The following WWOX variants were observed in gnomAD, a reference collection of about 807,000 sequenced individuals.
WWOX encodes WW domain containing oxidoreductase.
Under a neutral mutation model 46.2 loss-of-function variants are expected in WWOX, and 69 were observed. That is an observed-to-expected ratio of 1.49 (90% confidence interval 1.23 to 1.82). WWOX has a LOEUF of 1.82. Among genes scored for constraint, WWOX ranks in the 40% most tolerant of loss-of-function variants. WWOX has a pLI of 0.00. For synonymous variants in WWOX, 359 were observed against 202.6 expected (o/e 1.77, Z -6.56); for missense variants, 919 against 542.6 (o/e 1.69, Z -6.89).
chr16:78,393,622 G>A (rs2082223671), intron 6 of WWOX, among the ~76,000 whole-genome samples: 1 of 152,172 alleles, frequency 6.6e-6, no homozygotes, highest in African/African-American at 2.4e-5. Context: ...TTAGATTGCA[G>A]TTACTGGTCA....
intron 8 of WWOX, among the ~76,000 whole-genome samples, chr16:78,758,044 A>G (rs1447649714): frequency 6.6e-6 from 1 of 152,036 alleles, no homozygotes; most frequent in African/African-American, 2.4e-5. Flanking sequence ...CACCTTCACA[A>G]TGTGCCCCTA....
chr16:78,281,288 C>T (rs547578695), intron 5 of WWOX, among the ~76,000 whole-genome samples: 32 of 152,252 alleles, frequency 2.1e-4, no homozygotes, highest in African/African-American at 7.5e-4. Context: ...CCTCCCATTA[C>T]GGACATGTTT....
intron 2 of WWOX, among the ~76,000 whole-genome samples, chr16:78,109,313 C>A (rs1597209084): frequency 6.6e-6 from 1 of 151,494 alleles, no homozygotes; most frequent in South Asian, 2.1e-4. Flanking sequence ...ATAGTGAGAC[C>A]CCATCTCAAA....
chr16:78,316,047 A>G (rs1267234442), intron 5 of WWOX, among the ~76,000 whole-genome samples: 2 of 152,012 alleles, frequency 1.3e-5, no homozygotes, highest in Admixed American at 6.6e-5. Context: ...GGAGTTTAAG[A>G]TTAGCCTGGC....
chr16:78,697,584 G>T (rs981895286), intron 8 of WWOX, among the ~76,000 whole-genome samples: 2 of 152,040 alleles, frequency 1.3e-5, no homozygotes, highest in African/African-American at 4.8e-5. Context: ...ATCAAAAAGT[G>T]GGCTAAGGAC....
intron 8 of WWOX, among the ~76,000 whole-genome samples, chr16:78,787,780 A>G (rs947025101): frequency 6.6e-6 from 1 of 152,036 alleles, no homozygotes; most frequent in Non-Finnish European, 1.5e-5. Flanking sequence ...TTATATTTCC[A>G]CTTGCAGTAT....
intron 8 of WWOX, among the ~76,000 whole-genome samples, chr16:78,736,430 C>T (rs1036194625): frequency 2.6e-5 from 4 of 152,206 alleles, no homozygotes; most frequent in Non-Finnish European, 5.9e-5. Context: ...AGGCCACCAA[C>T]AGCTTCTGCT....
intron 8 of WWOX, among the ~76,000 whole-genome samples, chr16:78,790,259 C>G (rs1258537063): frequency 2.0e-5 from 3 of 152,084 alleles, no homozygotes; most frequent in Non-Finnish European, 2.9e-5. Flanking sequence ...CTCAGCCTCC[C>G]TAGTAGCTGG....
chr16:78,887,146 T>C (rs1042209384), intron 8 of WWOX, among the ~76,000 whole-genome samples: 2 of 145,908 alleles, frequency 1.4e-5, no homozygotes, highest in Non-Finnish European at 3.0e-5. Context: ...ATACCTAGTC[T>C]AGGGCTAGGT....
At chr16:79,117,345 C>T (rs1331041164) in intron 8 of WWOX, among the ~76,000 whole-genome samples, 1 of 152,150 alleles carries the variant, frequency 6.6e-6, no homozygotes, top group East Asian at 1.9e-4. Flanking sequence ...AATTTTTTCC[C>T]AACAGTAGGT....
At chr16:78,595,310 C>G (rs1360900971) in intron 8 of WWOX, among the ~76,000 whole-genome samples, 2 of 151,414 alleles carry the variant, frequency 1.3e-5, no homozygotes, top group Non-Finnish European at 2.9e-5. Flanking sequence ...CTCCTTTTTC[C>G]TGAATATGGA....
At chr16:78,512,653 G>A (rs1241542526) in intron 8 of WWOX, among the ~76,000 whole-genome samples, 1 of 152,148 alleles carries the variant, frequency 6.6e-6, no homozygotes, top group African/African-American at 2.4e-5. Flanking sequence ...ATTTCTGGGT[G>A]GGACTTCAAT....
chr16:78,128,309 G>A (rs912556576), intron 4 of WWOX, among the ~76,000 whole-genome samples: 3 of 152,158 alleles, frequency 2.0e-5, no homozygotes, highest in Non-Finnish European at 4.4e-5. Flanking sequence ...ACTGGGTGGT[G>A]ATGACTAAAA....
chr16:78,415,708 G>C (rs1273603799), intron 6 of WWOX, among the ~76,000 whole-genome samples: 4 of 152,104 alleles, frequency 2.6e-5, no homozygotes, highest in Non-Finnish European at 5.9e-5. Context: ...AAAAGGGAAG[G>C]AGCTGGTCCC....
At chr16:78,881,479 C>G (rs773391392) in intron 8 of WWOX, among the ~76,000 whole-genome samples, 6 of 152,180 alleles carry the variant, frequency 3.9e-5, no homozygotes, top group Non-Finnish European at 8.8e-5. Flanking sequence ...TGCATTTAGA[C>G]TAGAAAATTA....
At chr16:78,692,475 C>G (rs1245532741) in intron 8 of WWOX, among the ~76,000 whole-genome samples, 2 of 152,166 alleles carry the variant, frequency 1.3e-5, no homozygotes, top group Non-Finnish European at 2.9e-5. Context: ...CAAAGTGGCT[C>G]ACACCTGGCT....
At chr16:79,050,206 C>T (rs1421963388) in intron 8 of WWOX, among the ~76,000 whole-genome samples, 1 of 152,178 alleles carries the variant, frequency 6.6e-6, no homozygotes, top group Non-Finnish European at 1.5e-5. Flanking sequence ...CTGCCCTGCC[C>T]TACTGGTCCT....
At chr16:78,870,338 A>C (rs1262919437) in intron 8 of WWOX, among the ~76,000 whole-genome samples, 1 of 152,072 alleles carries the variant, frequency 6.6e-6, no homozygotes, top group Non-Finnish European at 1.5e-5. Context: ...TAAGTTTTTC[A>C]AACTTTAGAA....
intron 5 of WWOX, among the ~76,000 whole-genome samples, chr16:78,368,878 C>T (rs1413444843): frequency 6.6e-6 from 1 of 152,198 alleles, no homozygotes; most frequent in East Asian, 1.9e-4. Flanking sequence ...CACGTGTGCA[C>T]TGACAGAATG....
Sources: allele counts gnomAD v4.1 joint callset (sites outside exome capture counted in the v4.1 genomes callset), GRCh38; gene constraint gnomAD v4.1.1; transcripts MANE v1.5; gene names NCBI Gene and HGNC (gene_info 2026-07-23, HGNC 2026-07-21).